RGS6: variants seen among roughly 807,000 people sequenced by gnomAD.
RGS6 encodes regulator of G protein signaling 6.
In RGS6, 30 loss-of-function variants were observed where a neutral mutation model predicts 78.5. The ratio of observed to expected loss-of-function variants is 0.38; its 90% CI spans 0.29 to 0.52. RGS6 has a LOEUF of 0.52. Ranked by LOEUF, RGS6 falls within the 20% of genes least tolerant of loss-of-function variation. RGS6 has a pLI of 0.85. For missense variants in RGS6, 495 were observed against 609.7 expected, an observed-to-expected ratio of 0.81 and a Z score of 1.98; for synonymous variants, 206 against 206.0, an observed-to-expected ratio of 1.00 and a Z score of 0.00.
chr14:72,497,228 A>C (rs1332350953), intron 13 of RGS6, among the ~76,000 whole-genome samples: 1 of 152,144 alleles, frequency 6.6e-6, no homozygotes, highest in African/African-American at 2.4e-5. Flanking sequence ...CCATTTCCCC[A>C]CATTCTTACC....
intron 12 of RGS6, among the ~76,000 whole-genome samples, chr14:72,478,998 G>A (rs1295715133): frequency 6.6e-6 from 1 of 152,174 alleles, no homozygotes; most frequent in Admixed American, 6.5e-5. Context: ...AATCTAACCA[G>A]GCAGCTCAGT....
the RGS6 span, among the ~76,000 whole-genome samples, chr14:72,616,875 C>A: frequency 6.6e-6 from 1 of 152,130 alleles, no homozygotes; most frequent in Non-Finnish European, 1.5e-5. Context: ...CTTGTAGTAC[C>A]CTGACAGTGC....
At chr14:72,494,388 A>G (rs2096617116) in intron 12 of RGS6, among the ~76,000 whole-genome samples, 1 of 152,214 alleles carries the variant, frequency 6.6e-6, no homozygotes, top group Non-Finnish European at 1.5e-5. Context: ...AATCAGGAAT[A>G]GATATAAAAG....
chr14:72,009,333 G>A (rs2085219000), intron 2 of RGS6, among the ~76,000 whole-genome samples: 1 of 152,136 alleles, frequency 6.6e-6, no homozygotes, highest in Non-Finnish European at 1.5e-5. Flanking sequence ...AGGTGACAGA[G>A]TGAGACCCCC....
At chr14:72,385,044 C>T (rs1303229721) in intron 3 of RGS6, among the ~76,000 whole-genome samples, 2 of 152,228 alleles carry the variant, frequency 1.3e-5, no homozygotes, top group African/African-American at 4.8e-5. Context: ...GCCATGGTGC[C>T]TGGCCGGTTT....
At chr14:72,033,377 G>A (rs2091209630) in intron 2 of RGS6, among the ~76,000 whole-genome samples, 1 of 152,178 alleles carries the variant, frequency 6.6e-6, no homozygotes, top group Middle Eastern at 3.4e-3. Context: ...GGGACTACAG[G>A]CATGAGCCAC....
intron 2 of RGS6, among the ~76,000 whole-genome samples, chr14:72,212,981 G>A (rs1238996781): frequency 6.6e-6 from 1 of 152,142 alleles, no homozygotes; most frequent in Non-Finnish European, 1.5e-5. Context: ...CACCTGTCAA[G>A]TCTCTACACC....
At chr14:72,151,952 C>A (rs1461912894) in intron 2 of RGS6, among the ~76,000 whole-genome samples, 1 of 152,120 alleles carries the variant, frequency 6.6e-6, no homozygotes. Flanking sequence ...ATGGAAGAAA[C>A]ATGAACTTGA....
chr14:72,190,225 A>C (rs1375638252), intron 2 of RGS6, among the ~76,000 whole-genome samples: 1 of 152,154 alleles, frequency 6.6e-6, no homozygotes, highest in Non-Finnish European at 1.5e-5. Context: ...CAAGGAACTC[A>C]CTGGAGTGGG....
chr14:72,454,746 G>C (rs2095586600), intron 4 of RGS6, among the ~76,000 whole-genome samples, 168 bp downstream of exon 4: 1 of 152,172 alleles, frequency 6.6e-6, no homozygotes, highest in Non-Finnish European at 1.5e-5. Flanking sequence ...TTTCTCCACT[G>C]AATATTTGTC....
At chr14:72,235,996 A>C (rs1404739561) in intron 2 of RGS6, among the ~76,000 whole-genome samples, 2 of 152,244 alleles carry the variant, frequency 1.3e-5, no homozygotes, top group East Asian at 1.9e-4. Flanking sequence ...TCAATAATTA[A>C]AGCAAGCAAG....
At chr14:72,323,579 G>C (rs1356556143) in intron 2 of RGS6, among the ~76,000 whole-genome samples, 1 of 151,142 alleles carries the variant, frequency 6.6e-6, no homozygotes, top group Non-Finnish European at 1.5e-5. Flanking sequence ...TTGTAGTCCG[G>C]GTACCTGAGG....
At chr14:72,126,467 C>T (rs1213174482) in intron 2 of RGS6, among the ~76,000 whole-genome samples, 1 of 152,224 alleles carries the variant, frequency 6.6e-6, no homozygotes, top group African/African-American at 2.4e-5. Context: ...GCATAGATGT[C>T]TTACACTTTC....
the RGS6 span, among the ~76,000 whole-genome samples, chr14:71,918,935 T>C: frequency 6.6e-6 from 1 of 152,174 alleles, no homozygotes; most frequent in African/African-American, 2.4e-5. Flanking sequence ...AAAGTTCTGT[T>C]TGAAACACAC....
chr14:72,492,350 A>G (rs891594099), intron 12 of RGS6, among the ~76,000 whole-genome samples: 5 of 152,192 alleles, frequency 3.3e-5, no homozygotes, highest in Non-Finnish European at 7.3e-5. Context: ...GAGGAAACCC[A>G]GCAAGGCCTG....
intron 3 of RGS6, among the ~76,000 whole-genome samples, chr14:72,395,038 T>A (rs1203295233): frequency 2.0e-5 from 3 of 152,178 alleles, no homozygotes; most frequent in African/African-American, 7.2e-5. Context: ...AATTATTTAT[T>A]TTAAAAGAAA....
intron 2 of RGS6, among the ~76,000 whole-genome samples, chr14:72,310,404 C>G (rs562237836): frequency 6.6e-6 from 1 of 152,194 alleles, no homozygotes; most frequent in Non-Finnish European, 1.5e-5. Flanking sequence ...TGGAGTGAGC[C>G]GATTCCTAGG....
chr14:72,474,784 G>A lies in RGS6; in HGVS notation c.693+85G>A, dbSNP rs375816942. On this transcript the variant is annotated intron_variant, in intron 10 of 17. Transcript: ENST00000553525. The stretch of plus-strand genomic sequence containing the variant: ...CTATTCAAATAGTAATTTGCTACTT[G>A]TAATTCTACCACCTTTTGTCATTTG... 8 of 1,071,602 alleles carry A rather than the reference G, an allele frequency of 7.5e-6. No homozygotes were observed. The African/African-American group carries it at 8.1e-5, about 11-fold the overall frequency. The allele number at this position is 1,071,602 out of a possible 1,614,324, so 66.4% of individuals were successfully genotyped here.
At chr14:72,229,585 G>C (rs1422197455) in intron 2 of RGS6, among the ~76,000 whole-genome samples, 1 of 152,142 alleles carries the variant, frequency 6.6e-6, no homozygotes, top group Non-Finnish European at 1.5e-5. Flanking sequence ...ATAACTGACA[G>C]AGTCATTTAG....
Sources: allele counts gnomAD v4.1 joint callset (sites outside exome capture counted in the v4.1 genomes callset), GRCh38; gene constraint gnomAD v4.1.1; transcripts MANE v1.5; gene names NCBI Gene and HGNC (gene_info 2026-07-23, HGNC 2026-07-21).